Variants in C14orf39 observed in about 807,000 individuals in gnomAD.
C14orf39 encodes the protein protein SIX6OS1.
Under a neutral mutation model 85.6 loss-of-function variants are expected in C14orf39, and 66 were observed. The ratio of observed to expected loss-of-function variants is 0.77; its 90% CI spans 0.63 to 0.95. The LOEUF (loss-of-function observed/expected upper bound fraction) is 0.95. Ranked by LOEUF, C14orf39 falls within the 40% of genes least tolerant of loss-of-function variation. The probability of loss-of-function intolerance (pLI) is 0.00; values close to 1 mark genes in which losing one functional copy is unlikely to be tolerated. For synonymous variants in C14orf39, 242 were observed against 214.0 expected, an observed-to-expected ratio of 1.13 and a Z score of -1.14; for missense variants, 735 against 663.9, an observed-to-expected ratio of 1.11 and a Z score of -1.18.
At chr14:60,488,843 TCTTA>T (rs1892942792), upstream of C14orf39, among the ~76,000 whole-genome samples, 1 of 152,100 alleles carries the variant, frequency 6.6e-6, no homozygotes, top group Non-Finnish European at 1.5e-5. Context: ...TTCCTTTTTT[TCTTA>T]CTCTCTTCCA....
At chr14:60,495,959 G>C in intron 2 of C14orf39, 1 of 463,462 alleles carries the variant, frequency 2.2e-6, no homozygotes, top group South Asian at 1.6e-5. Flanking sequence ...CATGACATTT[G>C]GGAGCACATA....
exon 2 of C14orf39, chr14:60,499,387 C>A (rs1893109335): frequency 6.6e-6 from 1 of 152,048 alleles, no homozygotes; most frequent in Non-Finnish European, 1.5e-5. Context: ...AGAATAATTT[C>A]TATGTATATA....
At chr14:60,445,281 A>G (rs1314752297) in intron 16 of C14orf39, among the ~76,000 whole-genome samples, 2 of 152,198 alleles carry the variant, frequency 1.3e-5, no homozygotes, top group East Asian at 3.8e-4. Flanking sequence ...AAATTGGATA[A>G]AGAGTCAAGA....
At chr14:60,470,001 T>C (rs995795974) in intron 7 of C14orf39, among the ~76,000 whole-genome samples, 27 of 142,688 alleles carry the variant, frequency 1.9e-4, no homozygotes, top group Non-Finnish European at 9.1e-5. Context: ...TAAAACATAA[T>C]TCAGGCCCAA....
At chr14:60,489,110 AT>A (rs1355723950), upstream of C14orf39, among the ~76,000 whole-genome samples, 6 of 152,092 alleles carry the variant, frequency 3.9e-5, no homozygotes, top group Non-Finnish European at 8.8e-5. Flanking sequence ...GTCCTATCCT[AT>A]TATCAGGGAG....
At chr14:60,465,694 T>C (rs1891750403) in intron 11 of C14orf39, among the ~76,000 whole-genome samples, 1 of 152,064 alleles carries the variant, frequency 6.6e-6, no homozygotes, top group African/African-American at 2.4e-5. Flanking sequence ...CAGTTTTGGA[T>C]CTACTATGTA....
intron 17 of C14orf39, 29 bp downstream of exon 17, chr14:60,442,045 T>A: frequency 6.4e-7 from 1 of 1,551,346 alleles, no homozygotes; most frequent in Non-Finnish European, 8.9e-7. Context: ...TAACATGTTT[T>A]TAAAGGTAGC....
chr14:60,459,289 T>C (rs1891415533), intron 13 of C14orf39, among the ~76,000 whole-genome samples: 1 of 151,764 alleles, frequency 6.6e-6, no homozygotes, highest in Admixed American at 6.6e-5. Context: ...CTACTGTAAA[T>C]GGATATTTGA....
rs1890283221 is a variant in C14orf39, at chr14:60,437,013, G to C, written c.1596C>G (p.Gly532=). The change falls in exon 18 of 18, where the codon GGC becomes GGG. Residue 532 remains glycine, a synonymous_variant. Coordinates refer to ENST00000321731, the MANE Select transcript of C14orf39 (RefSeq NM_174978.3). ...TGTCTGATGGAAAAGAAAATGTAAA[G>C]CCATCTTCTCCTTCTGGCTTCTCAA... ...NLLEKPEGED[G]FTFSFPSDTS... The C allele has an allele frequency of 6.2e-7, 1 of 1,610,166 alleles. No homozygotes were observed. The highest frequency in any genetic ancestry group is 8.5e-7 in the Non-Finnish European group (1 of 1,178,516).
intron 5 of C14orf39, among the ~76,000 whole-genome samples, chr14:60,473,684 G>C (rs970456735): frequency 4.6e-5 from 7 of 152,072 alleles, no homozygotes; most frequent in African/African-American, 7.2e-5. Context: ...TCTTGTTTTT[G>C]TCAGGGTTGT....
At chr14:60,467,274 T>C (rs1891840476) in intron 9 of C14orf39, among the ~76,000 whole-genome samples, 1 of 151,748 alleles carries the variant, frequency 6.6e-6, no homozygotes, top group East Asian at 1.9e-4. Flanking sequence ...CTCAATATAG[T>C]CCACTCTTAT....
chr14:60,453,644 G>A (rs1401187039), intron 16 of C14orf39, among the ~76,000 whole-genome samples: 1 of 150,782 alleles, frequency 6.6e-6, no homozygotes, highest in Non-Finnish European at 1.5e-5. Context: ...TACCTTGTGG[G>A]GTTGAATTTT....
At chr14:60,479,485 G>A (rs1325807120) in intron 4 of C14orf39, among the ~76,000 whole-genome samples, 1 of 152,072 alleles carries the variant, frequency 6.6e-6, no homozygotes, top group African/African-American at 2.4e-5. Context: ...CCAAACCTCT[G>A]CATTACACAA....
rs1350519291 is a variant in C14orf39, at chr14:60,510,038, C to T, written c.-144+5357G>A. The T allele has an allele frequency of 2.6e-5, 36 of 1,388,850 alleles. No individual in the cohort carries two copies. In the East Asian group the frequency reaches 8.5e-4, roughly 33 times the overall value. The allele number at this position is 1,388,850 out of a possible 1,614,324, so 86.0% of individuals were successfully genotyped here. ...GAGGCGGGTGGAGGCACCTCTGGCG[C>T]CCTTACCCAGTCCCTGGCGACTCCA... On this transcript the variant is annotated intron_variant, in intron 1 of 5. Transcript: ENST00000556799.
chr14:60,470,803 T>A (rs1198290642), intron 7 of C14orf39, among the ~76,000 whole-genome samples: 1 of 151,914 alleles, frequency 6.6e-6, no homozygotes, highest in Non-Finnish European at 1.5e-5. Context: ...GGAGTTATAA[T>A]CTGATAGGAA....
At chr14:60,472,958 T>C (rs1245412197) in intron 5 of C14orf39, among the ~76,000 whole-genome samples, 4 of 152,202 alleles carry the variant, frequency 2.6e-5, no homozygotes, top group Admixed American at 6.5e-5. Context: ...ATTCTAGTTC[T>C]AGATCCCTGA....
At chr14:60,471,874 G>C in intron 5 of C14orf39, 135 bp from the exon 6 acceptor site, 1 of 558,014 alleles carries the variant, frequency 1.8e-6, no homozygotes. Context: ...AATATTGTCT[G>C]CCCTTTAGAC....
At position 60,483,792 on chromosome 14, in the gene C14orf39, G is replaced by C. The variant is rs1328835717; in HGVS notation, c.132C>G (p.Asn44Lys). The change falls in exon 4 of 18, where the codon AAC becomes AAG. Residue 44 changes from asparagine (N) to lysine (K), a missense_variant. By Grantham distance (94) the Asn-to-Lys change is moderately conservative. Coordinates refer to ENST00000321731, the MANE Select transcript of C14orf39 (RefSeq NM_174978.3). The stretch of plus-strand genomic sequence containing the variant: ...CGTGTATCCTACAAATAGTTACTTT[G>C]TTTTCCTTAATATCTTCACAGCATT... Reference protein sequence around the residue: ...INKCCEDIKENKVTICRIHET... With the variant: ...INKCCEDIKEKKVTICRIHET... The C allele has an allele frequency of 5.2e-6, 8 of 1,527,278 alleles. No individual in the cohort carries two copies. Among genetic ancestry groups the C allele is most frequent in the Non-Finnish European group, 7.2e-6 (8 of 1,108,934 alleles). 94.6% of individuals were successfully genotyped at this position (1,527,278 alleles called of 1,614,324 possible).
At chr14:60,501,378 A>C (rs1396150914) in intron 1 of C14orf39, among the ~76,000 whole-genome samples, 1 of 151,522 alleles carries the variant, frequency 6.6e-6, no homozygotes, top group Non-Finnish European at 1.5e-5. Context: ...TCACATCCAC[A>C]CATCCACACA....
Sources: allele counts gnomAD v4.1 joint callset (sites outside exome capture counted in the v4.1 genomes callset), GRCh38; gene constraint gnomAD v4.1.1; transcripts MANE v1.5; gene names NCBI Gene and HGNC (gene_info 2026-07-23, HGNC 2026-07-21).